Variants in CALD1 observed in about 807,000 individuals in gnomAD.
CALD1 encodes caldesmon.
A neutral mutation model predicts 99.9 loss-of-function variants in CALD1; 33 were observed. That is an observed-to-expected ratio of 0.33 (90% confidence interval 0.25 to 0.44). The LOEUF (loss-of-function observed/expected upper bound fraction) is 0.44. Among genes scored for constraint, CALD1 ranks in the 20% least tolerant of loss-of-function variants. The probability of loss-of-function intolerance (pLI) is 1.00; values close to 1 mark genes in which losing one functional copy is unlikely to be tolerated. For missense variants in CALD1, 861 were observed against 962.1 expected (o/e 0.89, Z 1.39); for synonymous variants, 310 against 325.0 (o/e 0.95, Z 0.50).
intron 3 of CALD1, among the ~76,000 whole-genome samples, chr7:134,876,489 T>A (rs980204768): frequency 6.6e-6 from 1 of 152,204 alleles, no homozygotes; most frequent in African/African-American, 2.4e-5. Flanking sequence ...TTATGGATAA[T>A]GTTTCTAAAT....
intron 1 of CALD1, among the ~76,000 whole-genome samples, chr7:134,804,349 C>T (rs1261805973): frequency 6.6e-6 from 1 of 152,224 alleles, no homozygotes; most frequent in Non-Finnish European, 1.5e-5. Flanking sequence ...AATGCCTGCC[C>T]CAGGGTATCT....
the CALD1 span, among the ~76,000 whole-genome samples, chr7:134,725,683 T>C: frequency 6.6e-6 from 1 of 152,226 alleles, no homozygotes; most frequent in Non-Finnish European, 1.5e-5. Context: ...CTGGAACCTA[T>C]AAATGTCACC....
intron 3 of CALD1, among the ~76,000 whole-genome samples, chr7:134,878,842 C>A (rs745409470): frequency 9.2e-5 from 14 of 151,796 alleles, no homozygotes; most frequent in Non-Finnish European, 2.1e-4. Flanking sequence ...GTAGTGTGTG[C>A]CTGTAGTACC....
intron 3 of CALD1, among the ~76,000 whole-genome samples, chr7:134,901,298 T>A (rs965417506): frequency 2.6e-5 from 4 of 152,166 alleles, no homozygotes; most frequent in Middle Eastern, 3.4e-3. Flanking sequence ...CATCATTTTA[T>A]CAACTATGTG....
At chr7:134,825,754 C>T (rs3800717) in intron 1 of CALD1, among the ~76,000 whole-genome samples, 20,058 of 152,046 alleles carry the variant, frequency 0.13, 1,550 homozygotes, top group South Asian at 0.35. Flanking sequence ...AGATTAACCT[C>T]CCAAATGATT....
At chr7:134,743,929 GGTTA>G, upstream of CALD1, among the ~76,000 whole-genome samples, 1 of 152,294 alleles carries the variant, frequency 6.6e-6, no homozygotes, top group East Asian at 1.9e-4. Flanking sequence ...TCAAGCAGTT[GGTTA>G]ATTTCCCCAC....
chr7:134,955,923 C>A (rs1303818232), intron 9 of CALD1, among the ~76,000 whole-genome samples: 1 of 151,858 alleles, frequency 6.6e-6, no homozygotes, highest in African/African-American at 2.4e-5. Context: ...GATGGATGGA[C>A]GGACGGACGG....
intron 1 of CALD1, among the ~76,000 whole-genome samples, chr7:134,834,629 A>G (rs1799358503): frequency 1.3e-5 from 2 of 152,216 alleles, no homozygotes; most frequent in Admixed American, 6.5e-5. Context: ...TTCTATGAAA[A>G]TCATTTAAGA....
At position 134,757,971 on chromosome 7, in the gene CALD1, A is replaced by T. The variant is rs117780452; in HGVS notation, c.-130+13608A>T. 5.0e-3 allele frequency among the ~76,000 whole-genome samples: 764 copies of T among 152,320 alleles called. 1 individual carries two copies. Among genetic ancestry groups the T allele is most frequent in the Non-Finnish European group, 8.7e-3 (592 of 68,024 alleles). The stretch of plus-strand genomic sequence containing the variant: ...TTGCTTATCCACACAGGTATTATTG[A>T]TTCTGCACAGGCATCTATTTGATGA... On this transcript the variant is annotated intron_variant, in intron 1 of 13. Transcript: ENST00000417172.
At position 134,867,807 on chromosome 7, in the gene CALD1, A is replaced by C. The variant is rs370458067; in HGVS notation, c.71+3A>C. 1.4e-5 allele frequency: 23 copies of C among 1,586,824 alleles called. No individual in the cohort carries two copies. In the African/African-American group the frequency reaches 3.0e-4, roughly 20 times the overall value. ...GAGATGCGACTCGAAGCAGAAAGGT[A>C]AGGATCTAGGGTGAAAAATACTTGT... is the stretch of plus-strand genomic sequence containing the variant. On this transcript the variant is annotated splice_donor_region_variant and intron_variant, in intron 3 of 14. Transcript: ENST00000361675.
intron 2 of CALD1, among the ~76,000 whole-genome samples, chr7:134,849,106 T>G (rs1799972510): frequency 6.6e-6 from 1 of 152,224 alleles, no homozygotes; most frequent in Admixed American, 6.5e-5. Flanking sequence ...TTTCTAATAC[T>G]GTATTTATTT....
rs755041921 is a variant in CALD1, at chr7:134,947,726, A to G, written c.1751A>G (p.Gln584Arg). ...ERRKVLEEEE[Q>R]RRKQEEADRK... is the part of the protein sequence containing the mutation. ...AGGAAGGTCCTGGAGGAGGAAGAGC[A>G]GAGGAGGAAGCAGGAGGAAGCCGAT... is the stretch of plus-strand genomic sequence containing the variant. The change falls in exon 8 of 15, where the codon CAG (glutamine) becomes CGG (arginine). Residue 584 changes from glutamine to arginine, a missense_variant. Around this residue, in one of 5 missense-constraint regions of CALD1, gnomAD observed 293 missense variants for 262.7 expected, o/e 1.12. Coordinates refer to ENST00000361675, the MANE Select transcript of CALD1 (RefSeq NM_033138.4). 1.2e-5 allele frequency: 20 copies of G among 1,613,726 alleles called. No individual in the cohort carries two copies. Among genetic ancestry groups the G allele is most frequent in the Non-Finnish European group, 1.7e-5 (20 of 1,179,848 alleles).
At chr7:134,721,098 C>T in the CALD1 span, among the ~76,000 whole-genome samples, 10 of 152,104 alleles carry the variant, frequency 6.6e-5, no homozygotes, top group Non-Finnish European at 1.5e-4. Flanking sequence ...TCCTGATATT[C>T]GCTATAGGCC....
chr7:134,773,124 T>C (rs565030679), intron 1 of CALD1, among the ~76,000 whole-genome samples: 3 of 152,340 alleles, frequency 2.0e-5, no homozygotes, highest in African/African-American at 7.2e-5. Flanking sequence ...AAAAGTCTTC[T>C]TTTATTATTT....
intron 3 of CALD1, among the ~76,000 whole-genome samples, chr7:134,904,188 A>G (rs1019705951): frequency 3.3e-5 from 5 of 151,968 alleles, no homozygotes; most frequent in African/African-American, 1.2e-4. Context: ...ATGTCATCGC[A>G]CTCCAGCCTG....
At chr7:134,911,866 G>A (rs11974464) in intron 3 of CALD1, among the ~76,000 whole-genome samples, 57,604 of 152,054 alleles carry the variant, frequency 0.38, 12,813 homozygotes, top group East Asian at 0.86. Context: ...CCATAATATG[G>A]GAGATAATAC....
At chr7:134,860,792 GA>G in intron 2 of CALD1, among the ~76,000 whole-genome samples, 1 of 152,292 alleles carries the variant, frequency 6.6e-6, no homozygotes, top group African/African-American at 2.4e-5. Context: ...TTCAAGGAGG[GA>G]ATTGTCGCTT....
chr7:134,965,828 C>A, intron 14 of CALD1, among the ~76,000 whole-genome samples: 1 of 40,958 alleles, frequency 2.4e-5, no homozygotes, highest in African/African-American at 1.1e-4. Context: ...CTCAGGGTTG[C>A]TATGGCCAAA....
rs141846658 is a variant in CALD1, at chr7:134,957,311, C to A, written c.1936-758C>A. Among the ~76,000 whole-genome samples the A allele has an allele frequency of 1.7e-3, 260 of 152,234 alleles. 2 individuals carry two copies. The highest frequency in any genetic ancestry group is 5.9e-3 in the African/African-American group (245 of 41,526). Reference sequence around the variant, plus strand: ...TTACATACCAAATACATAGTTAAAACATTATGGGAAAATTTTGTTACTCGA... The same window carrying A: ...TTACATACCAAATACATAGTTAAAAAATTATGGGAAAATTTTGTTACTCGA... On this transcript the variant is annotated intron_variant, in intron 9 of 14. Transcript: ENST00000361675.
Sources: allele counts gnomAD v4.1 joint callset (sites outside exome capture counted in the v4.1 genomes callset), GRCh38; gene constraint gnomAD v4.1.1; regional missense constraint gnomAD v4.1.1; transcripts MANE v1.5; gene names NCBI Gene and HGNC (gene_info 2026-07-23, HGNC 2026-07-21).